The following GDF7 variants were observed in gnomAD, a reference collection of about 807,000 sequenced individuals.
GDF7 encodes growth differentiation factor 7.
Under a neutral mutation model 13.4 loss-of-function variants are expected in GDF7, and 12 were observed. The observed-to-expected ratio is 0.90, with a 90% CI of 0.57 to 1.45. The LOEUF (loss-of-function observed/expected upper bound fraction) is 1.45. Ranked by LOEUF, GDF7 falls within the 40% of genes most tolerant of loss-of-function variation. The pLI is 0.00. For synonymous variants in GDF7, 330 were observed against 306.4 expected, an observed-to-expected ratio of 1.08 and a Z score of -0.80; for missense variants, 651 against 652.4, an observed-to-expected ratio of 1.00 and a Z score of 0.02.
intron 1 of GDF7, among the ~76,000 whole-genome samples, chr2:20,669,466 T>G: frequency 6.6e-6 from 1 of 150,798 alleles, no homozygotes; most frequent in African/African-American, 2.4e-5. Context: ...GAAAAAAGAG[T>G]GTCCACACTG....
Position 20,677,150 on chromosome 2 carries a change from T to C in GDF7, c.*5725T>C, listed in dbSNP as rs552816061. 1 of 152,352 alleles carries C rather than the reference T, an allele frequency of 6.6e-6. No homozygotes were observed. Among genetic ancestry groups the C allele is most frequent in the East Asian group, 1.9e-4 (1 of 5,190 alleles). 9.4% of individuals were successfully genotyped at this position (152,352 alleles called of 1,614,324 possible). A position where few individuals can be genotyped will look rare whatever the true frequency, so the allele number is the denominator to read the frequency against. ...AAGAAGTACAGTTTCACTCTTTTTTTGTCAGATGAACTTCCTTCTGCTAGT... is the reference window on the plus strand; with the variant it reads ...AAGAAGTACAGTTTCACTCTTTTTTCGTCAGATGAACTTCCTTCTGCTAGT... On this transcript the variant is annotated 3_prime_UTR_variant, in exon 2 of 2. Coordinates refer to ENST00000272224, the MANE Select transcript of GDF7 (RefSeq NM_182828.4).
Position 20,667,498 on chromosome 2 carries a change from G to T in GDF7, c.259G>T (p.Val87Leu), listed in dbSNP as rs777084623. ...CTCCGGCTTCAGGAACGGCTCGGTG[G>T]TGCCGCACCACTTCATGATGTCGCT... ...AGSGFRNGSV[V>L]PHHFMMSLYR... The change falls in exon 1 of 2, where the codon GTG becomes TTG. Residue 87 changes from valine (V) to leucine (L), a missense_variant. Around this residue, in one of 4 missense-constraint regions of GDF7, gnomAD observed 487 missense variants for 445.9 expected, o/e 1.09. Transcript: ENST00000272224. This position sits in a 1 kb window ranked among gnomAD's most constrained non-coding sequence, Gnocchi z 6.4. The T allele has an allele frequency of 1.8e-5, 25 of 1,356,058 alleles. No individual in the cohort carries two copies. The South Asian group carries it at 2.8e-4, about 15-fold the overall frequency. The allele number at this position is 1,356,058 out of a possible 1,614,324, so 84.0% of individuals were successfully genotyped here.
chr2:20,671,549 G>A lies in GDF7; in HGVS notation c.*124G>A. 2 of 922,224 alleles carry A rather than the reference G, an allele frequency of 2.2e-6. No individual in the cohort carries two copies. Among genetic ancestry groups the A allele is most frequent in the Non-Finnish European group, 3.3e-6 (2 of 613,498 alleles). 57.1% of individuals were successfully genotyped at this position (922,224 alleles called of 1,614,324 possible). On this transcript the variant is annotated 3_prime_UTR_variant, in exon 2 of 2. Transcript: ENST00000272224. ...TGACCCAGCACCCTCTCAGAGGAGG[G>A]AGAGCACACGTTCACACTCACACAC...
rs1350429770 is a variant in GDF7, at chr2:20,677,240, C to CT, written c.*5819dup. On this transcript the variant is annotated 3_prime_UTR_variant, in exon 2 of 2. Transcript: ENST00000272224. ...GCTGTATTACAGAAACTTTTAATCT[C>CT]TTTTCTATGTCAGTAAGGGGATGCT... 3 of 152,254 alleles carry CT rather than the reference C, an allele frequency of 2.0e-5. No individual in the cohort carries two copies. Among genetic ancestry groups the CT allele is most frequent in the Non-Finnish European group, 4.4e-5 (3 of 68,052 alleles). 9.4% of individuals were successfully genotyped at this position (152,254 alleles called of 1,614,324 possible).
At chr2:20,669,296 C>T (rs992367839) in intron 1 of GDF7, among the ~76,000 whole-genome samples, 8 of 152,168 alleles carry the variant, frequency 5.3e-5, no homozygotes, top group Admixed American at 1.3e-4. Flanking sequence ...GCCTGACCTT[C>T]GTGGCTGGTG....
rs1225480377 is a variant in GDF7, at chr2:20,670,770, T to C, written c.698T>C (p.Leu233Ser). The C allele has an allele frequency of 1.3e-6, 2 of 1,492,544 alleles. No homozygotes were observed. The highest frequency in any genetic ancestry group is 2.2e-5 in the Admixed American group (1 of 45,894). 92.5% of individuals were successfully genotyped at this position (1,492,544 alleles called of 1,614,324 possible). ...EPRPPRAFCL[L>S]LRAVAGPVPS... ...CGCCCCCCCCGCGCGTTCTGCCTCT[T>C]GCTGCGCGCAGTGGCAGGCCCGGTG... The change falls in exon 2 of 2, where the codon TTG (leucine) becomes TCG (serine). Residue 233 changes from leucine (L) to serine (S), a missense_variant. Around this residue, in one of 4 missense-constraint regions of GDF7, gnomAD observed 487 missense variants for 445.9 expected, o/e 1.09. Coordinates refer to ENST00000272224, the MANE Select transcript of GDF7 (RefSeq NM_182828.4).
rs1662282837 is a variant in GDF7, at chr2:20,679,174, C to G, written c.*7749C>G. 1 of 152,146 alleles carries G rather than the reference C, an allele frequency of 6.6e-6. No individual in the cohort carries two copies. Among genetic ancestry groups the G allele is most frequent in the South Asian group, 2.1e-4 (1 of 4,830 alleles). 9.4% of individuals were successfully genotyped at this position (152,146 alleles called of 1,614,324 possible). ...TAGCAGTATATATTTGTTGAACATGCTTGTATACTCTTCATTAACCATTTT... is the reference window on the plus strand; with the variant it reads ...TAGCAGTATATATTTGTTGAACATGGTTGTATACTCTTCATTAACCATTTT... On this transcript the variant is annotated 3_prime_UTR_variant, in exon 2 of 2. Coordinates refer to ENST00000272224, the MANE Select transcript of GDF7 (RefSeq NM_182828.4).
Position 20,671,131 on chromosome 2 carries a change from G to A in GDF7, c.1059G>A (p.Pro353=). ...RRGRSRCSRK[P]LHVDFKELGW... ...GCCGGAGCCGCTGCAGCCGCAAGCC[G>A]TTGCACGTGGACTTCAAGGAGCTCG... The change falls in exon 2 of 2, where the codon CCG becomes CCA. Residue 353 remains proline, a synonymous_variant. Transcript: ENST00000272224. 1 of 1,611,286 alleles carries A rather than the reference G, an allele frequency of 6.2e-7. No homozygotes were observed. The highest frequency in any genetic ancestry group is 1.7e-4 in the Middle Eastern group (1 of 6,052).
chr2:20,671,042 T>C lies in GDF7; in HGVS notation c.970T>C (p.Leu324=). 6.6e-7 allele frequency: 1 copy of C among 1,517,004 alleles called. No individual in the cohort carries two copies. Among genetic ancestry groups the C allele is most frequent in the Non-Finnish European group, 8.8e-7 (1 of 1,133,680 alleles). The allele number at this position is 1,517,004 out of a possible 1,614,324, so 94.0% of individuals were successfully genotyped here. Residue 324 remains leucine, a synonymous_variant, in exon 2 of 2, where the codon TTG becomes CTG. Coordinates refer to ENST00000272224, the MANE Select transcript of GDF7 (RefSeq NM_182828.4). ...IGGRRRRRTA[L]AGTRTAQGSG... Reference sequence around the variant, plus strand: ...CGGCCGCAGACGGAGGAGGACGGCGTTGGCCGGGACGCGGACAGCGCAGGG... The same window carrying C: ...CGGCCGCAGACGGAGGAGGACGGCGCTGGCCGGGACGCGGACAGCGCAGGG...
In GDF7 at chr2:20,670,676, C is replaced by A. The variant is rs767731407; in HGVS notation, c.604C>A (p.Pro202Thr). 1.3e-6 allele frequency: 2 copies of A among 1,519,188 alleles called. No individual in the cohort carries two copies. The highest frequency in any genetic ancestry group is 1.8e-6 in the Non-Finnish European group (2 of 1,137,746). The allele number at this position is 1,519,188 out of a possible 1,614,324, so 94.1% of individuals were successfully genotyped here. Residue 202 changes from proline (P) to threonine (T), a missense_variant, in exon 2 of 2, where the codon CCC becomes ACC. Coordinates refer to ENST00000272224, the MANE Select transcript of GDF7 (RefSeq NM_182828.4). ...PRLLYSRAAE[P>T]LVGQRWEAFD... ...CCTGCTGTACTCGCGGGCAGCTGAG[C>A]CCCTAGTCGGTCAGCGCTGGGAGGC...
chr2:20,676,278 G>A lies in GDF7; in HGVS notation c.*4853G>A, dbSNP rs1310050981. 6.6e-6 allele frequency: 1 copy of A among 152,190 alleles called. No individual in the cohort carries two copies. The allele number at this position is 152,190 out of a possible 1,614,324, so 9.4% of individuals were successfully genotyped here. On this transcript the variant is annotated 3_prime_UTR_variant, in exon 2 of 2. Coordinates refer to ENST00000272224, the MANE Select transcript of GDF7 (RefSeq NM_182828.4). ...AGAGCTTGTCTCTCTCTTCCTTTTT[G>A]TGGTCTGGAGAAGTTAACATAAAGA... is the stretch of plus-strand genomic sequence containing the variant.
Position 20,670,734 on chromosome 2 carries a change from G to C in GDF7, c.662G>C (p.Arg221Pro), listed in dbSNP as rs769798398. Residue 221 changes from arginine (R) to proline (P), a missense_variant, in exon 2 of 2, where the codon CGT (arginine) becomes CCT (proline). By Grantham distance (103) the Arg-to-Pro change is moderately radical. Coordinates refer to ENST00000272224, the MANE Select transcript of GDF7 (RefSeq NM_182828.4). ...GTGGCGGACGCCATGAGGCGCCACC[G>C]TCGTGAACCGCGCCCCCCCCGCGCG... ...FDVADAMRRHRREPRPPRAFC... is the reference protein window; with the variant it reads ...FDVADAMRRHPREPRPPRAFC... 5 of 1,484,394 alleles carry C rather than the reference G, an allele frequency of 3.4e-6. No homozygotes were observed. The highest frequency in any genetic ancestry group is 5.3e-5 in the East Asian group (2 of 37,974). The allele number at this position is 1,484,394 out of a possible 1,614,324, so 92.0% of individuals were successfully genotyped here. A position where few individuals can be genotyped will look rare whatever the true frequency, so the allele number is the denominator to read the frequency against.
rs764587878 is a variant in GDF7 at position 20,670,685 on chromosome 2, G to C, written c.613G>C (p.Gly205Arg). Residue 205 changes from glycine to arginine, a missense_variant, in exon 2 of 2, where the codon GGT becomes CGT. Physicochemically the swap from Gly to Arg is moderately radical, Grantham distance 125. Around this residue, in one of 4 missense-constraint regions of GDF7, gnomAD observed 487 missense variants for 445.9 expected, o/e 1.09. Transcript: ENST00000272224. ...LYSRAAEPLV[G>R]QRWEAFDVAD... ...CTCGCGGGCAGCTGAGCCCCTAGTC[G>C]GTCAGCGCTGGGAGGCGTTCGACGT... 7.3e-6 allele frequency: 11 copies of C among 1,510,430 alleles called. No individual in the cohort carries two copies. The highest frequency in any genetic ancestry group is 3.5e-4 in the Middle Eastern group (2 of 5,730). The allele number at this position is 1,510,430 out of a possible 1,614,324, so 93.6% of individuals were successfully genotyped here. A position where few individuals can be genotyped will look rare whatever the true frequency, so the allele number is the denominator to read the frequency against.
Position 20,671,005 on chromosome 2 carries a change from G to C in GDF7, c.933G>C (p.Arg311Ser), listed in dbSNP as rs1162841606. 6.5e-7 allele frequency: 1 copy of C among 1,545,532 alleles called. No individual in the cohort carries two copies. Among genetic ancestry groups the C allele is most frequent in the Non-Finnish European group, 8.7e-7 (1 of 1,149,466 alleles). Reference sequence around the variant, plus strand: ...CAGGAACCGGCACCGCGTCGCCAAGGGCAGTCATTGGCGGCCGCAGACGGA... The same window carrying C: ...CAGGAACCGGCACCGCGTCGCCAAGCGCAGTCATTGGCGGCCGCAGACGGA... Reference protein sequence around the residue: ...PDPGTGTASPRAVIGGRRRRR... With the variant: ...PDPGTGTASPSAVIGGRRRRR... Residue 311 changes from arginine (R) to serine (S), a missense_variant, in exon 2 of 2, where the codon AGG becomes AGC. Transcript: ENST00000272224.
chr2:20,675,238 G>C lies in GDF7; in HGVS notation c.*3813G>C, dbSNP rs10169712. Reference sequence around the variant, plus strand: ...TAGGCCAAGAGGTCTGAGTCAGATCGCGCAGTGAGCTGGAGGGAGCGAGGC... The same window carrying C: ...TAGGCCAAGAGGTCTGAGTCAGATCCCGCAGTGAGCTGGAGGGAGCGAGGC... On this transcript the variant is annotated 3_prime_UTR_variant, in exon 2 of 2. Transcript: ENST00000272224. 70,084 of 151,928 alleles carry C rather than the reference G, an allele frequency of 0.46. 17,015 individuals are homozygous for C. Among genetic ancestry groups the C allele is most frequent in the East Asian group, 0.74 (3,784 of 5,146 alleles). The allele number at this position is 151,928 out of a possible 1,614,324, so 9.4% of individuals were successfully genotyped here. A position where few individuals can be genotyped will look rare whatever the true frequency, so the allele number is the denominator to read the frequency against.
rs1572378518 is a variant in GDF7 at position 20,667,747 on chromosome 2, A to C, written c.391+117A>C. 1 of 732,406 alleles carries C rather than the reference A, an allele frequency of 1.4e-6. No homozygotes were observed. Among genetic ancestry groups the C allele is most frequent in the East Asian group, 3.5e-5 (1 of 28,332 alleles). 45.4% of individuals were successfully genotyped at this position (732,406 alleles called of 1,614,324 possible). On this transcript the variant is annotated intron_variant, in intron 1 of 1. Coordinates refer to ENST00000272224, the MANE Select transcript of GDF7 (RefSeq NM_182828.4). This position sits in a 1 kb window ranked among gnomAD's most constrained non-coding sequence, Gnocchi z 6.4. ...CCGCGGCCCCATGCGGCCCACCCTC[A>C]GGTGATAGAAAGAAACTTCGCCGAG...
chr2:20,670,463 G>A lies in GDF7; in HGVS notation c.392-1G>A. 6.5e-7 allele frequency: 1 copy of A among 1,533,610 alleles called. No individual in the cohort carries two copies. Among genetic ancestry groups the A allele is most frequent in the Non-Finnish European group, 8.8e-7 (1 of 1,139,060 alleles). ...TCTCTGTCCCTGCCGGTCCCCCGCA[G>A]ACGAATCGGCAGCCGAAACAGGCCA... On this transcript the variant is annotated splice_acceptor_variant, in intron 1 of 1. Transcript: ENST00000272224. LOFTEE classifies it high-confidence loss of function.
intron 1 of GDF7, 131 bp from the exon 2 acceptor site, chr2:20,670,333 C>G (rs1662091125): frequency 9.7e-7 from 1 of 1,035,102 alleles, no homozygotes; most frequent in Non-Finnish European, 1.3e-6. Flanking sequence ...GAGTCGGGCG[C>G]TGGCTCCAAC....
rs894174913 is a variant in GDF7 at position 20,678,211 on chromosome 2, C to G, written c.*6786C>G. The G allele has an allele frequency of 1.3e-5, 2 of 152,254 alleles. No homozygotes were observed. Among genetic ancestry groups the G allele is most frequent in the African/African-American group, 4.8e-5 (2 of 41,464 alleles). 9.4% of individuals were successfully genotyped at this position (152,254 alleles called of 1,614,324 possible). On this transcript the variant is annotated 3_prime_UTR_variant, in exon 2 of 2. Transcript: ENST00000272224. Reference sequence around the variant, plus strand: ...CAGAGACTCTCAAGAGAGGAATTCTCTGGCATTCTCTGCCTTGGATAAATC... The same window carrying G: ...CAGAGACTCTCAAGAGAGGAATTCTGTGGCATTCTCTGCCTTGGATAAATC...
Sources: gnomAD v4.1 joint callset for allele counts (sites outside exome capture counted in the v4.1 genomes callset) on GRCh38, gnomAD v4.1.1 for gene constraint, gnomAD v4.1.1 regional missense constraint, Gnocchi (gnomAD v3.1) non-coding constraint, MANE v1.5 for transcripts, NCBI Gene and HGNC (gene_info 2026-07-23, HGNC 2026-07-21) for gene names.